Variants in MFSD6 observed in about 807,000 individuals in gnomAD.
MFSD6 encodes the protein major facilitator superfamily domain-containing protein 6.
A neutral mutation model predicts 56.3 loss-of-function variants in MFSD6; 26 were observed. That is an observed-to-expected ratio of 0.46 (90% CI 0.34 to 0.64). MFSD6 has a LOEUF of 0.64. Among genes scored for constraint, MFSD6 ranks in the 30% least tolerant of loss-of-function variants. The pLI is 0.01. For missense variants in MFSD6, 750 were observed against 986.2 expected (o/e 0.76, Z 3.21); for synonymous variants, 331 against 366.9 (o/e 0.90, Z 1.12).
Position 190,471,210 on chromosome 2 carries a change from G to A in MFSD6, c.1630+1355G>A, listed in dbSNP as rs575886862. On this transcript the variant is annotated intron_variant, in intron 4 of 7. Coordinates refer to ENST00000392328, the MANE Select transcript of MFSD6 (RefSeq NM_017694.4). This position sits in a 1 kb window ranked among gnomAD's most constrained non-coding sequence, Gnocchi z 4.7. Reference sequence around the variant, plus strand: ...TCTGCATTTCCAACTGAGGTACCGGGTTCATCTCACTGGGGATTGTCAGGC... The same window carrying A: ...TCTGCATTTCCAACTGAGGTACCGGATTCATCTCACTGGGGATTGTCAGGC... Among the ~76,000 whole-genome samples the A allele has an allele frequency of 2.4e-4, 36 of 152,140 alleles. No individual in the cohort carries two copies. Among genetic ancestry groups the A allele is most frequent in the African/African-American group, 8.2e-4 (34 of 41,416 alleles).
chr2:190,497,920 CT>C lies in MFSD6; in HGVS notation c.2172+203del. ...AGGTCCCATAGAGAGAATATTCTGCCTTATGGAGTTCAGGAAAACTTCAGAG... is the reference window on the plus strand; with the variant it reads ...AGGTCCCATAGAGAGAATATTCTGCCTATGGAGTTCAGGAAAACTTCAGAG... On this transcript the variant is annotated intron_variant, in intron 7 of 7. Coordinates refer to ENST00000392328, the MANE Select transcript of MFSD6 (RefSeq NM_017694.4). The surrounding 1 kb of genome is among the most constrained non-coding windows in gnomAD (Gnocchi z 5.2). The C allele has an allele frequency of 2.0e-6, 1 of 503,336 alleles. No homozygotes were observed. The highest frequency in any genetic ancestry group is 4.1e-5 in the South Asian group (1 of 24,170). 31.2% of individuals were successfully genotyped at this position (503,336 alleles called of 1,614,324 possible). A position where few individuals can be genotyped will look rare whatever the true frequency, so the allele number is the denominator to read the frequency against.
rs776372281 is a variant in MFSD6 at position 190,456,491 on chromosome 2, G to A, written c.1533-13267G>A. On this transcript the variant is annotated intron_variant, in intron 3 of 7. Coordinates refer to ENST00000392328, the MANE Select transcript of MFSD6 (RefSeq NM_017694.4). This position sits in a 1 kb window ranked among gnomAD's most constrained non-coding sequence, Gnocchi z 5.4. ...AAAAGATCGGGGCTCCTTTCAACCC[G>A]CTGGTGATATGAGCCCCACTCCGGG... 1.3e-5 allele frequency among the ~76,000 whole-genome samples: 2 copies of A among 152,000 alleles called. No individual in the cohort carries two copies. Among genetic ancestry groups the A allele is most frequent in the African/African-American group, 4.8e-5 (2 of 41,274 alleles).
Position 190,412,138 on chromosome 2 carries a change from T to C in MFSD6, c.-175-3154T>C, listed in dbSNP as rs1333853394. ...AGTCCCATAGTTCTATCCAATTCTA[T>C]GTAAAATTAACTAAAACCACTGCTT... On this transcript the variant is annotated intron_variant, in intron 1 of 7. Transcript: ENST00000392328. This position sits in a 1 kb window ranked among gnomAD's most constrained non-coding sequence, Gnocchi z 4.1. 1 of 983,678 alleles carries C rather than the reference T, an allele frequency of 1.0e-6. No individual in the cohort carries two copies. Among genetic ancestry groups the C allele is most frequent in the Admixed American group, 6.1e-5 (1 of 16,262 alleles). The allele number at this position is 983,678 out of a possible 1,614,324, so 60.9% of individuals were successfully genotyped here. A position where few individuals can be genotyped will look rare whatever the true frequency, so the allele number is the denominator to read the frequency against.
At chr2:190,422,815 A>T (rs776181579) in intron 2 of MFSD6, among the ~76,000 whole-genome samples, 1 of 151,204 alleles carries the variant, frequency 6.6e-6, no homozygotes, top group Non-Finnish European at 1.5e-5. Context: ...TCCTTCTTGG[A>T]GTTATTATTT....
In MFSD6 at chr2:190,488,835, C is replaced by T. The variant is rs374303663; in HGVS notation, c.1792+17C>T. 551 of 1,520,726 alleles carry T rather than the reference C, an allele frequency of 3.6e-4. No individual in the cohort carries two copies. The highest frequency in any genetic ancestry group is 8.8e-4 in the Middle Eastern group (5 of 5,684). 94.2% of individuals were successfully genotyped at this position (1,520,726 alleles called of 1,614,324 possible). A position where few individuals can be genotyped will look rare whatever the true frequency, so the allele number is the denominator to read the frequency against. ...ATTATTTTGGTAAGAATGGCTTTCT[C>T]CTTTTTTTTCTTTTCTATTATTAAA... is the stretch of plus-strand genomic sequence containing the variant. On this transcript the variant is annotated intron_variant, in intron 5 of 7. Transcript: ENST00000392328. The surrounding 1 kb of genome is among the most constrained non-coding windows in gnomAD (Gnocchi z 6.4).
chr2:190,411,100 A>C (rs1690542441), intron 1 of MFSD6: 2 of 983,546 alleles, frequency 2.0e-6, no homozygotes, highest in East Asian at 1.1e-4. Context: ...ATTTATATAC[A>C]TTTGTTTAAA....
At chr2:190,427,438 C>G (rs1020455263) in intron 2 of MFSD6, among the ~76,000 whole-genome samples, 1 of 152,198 alleles carries the variant, frequency 6.6e-6, no homozygotes, top group African/African-American at 2.4e-5. Context: ...AGTTCTGTGT[C>G]TTTCTAGACT....
At chr2:190,450,291 G>A (rs118174158) in intron 3 of MFSD6, among the ~76,000 whole-genome samples, 2 of 152,068 alleles carry the variant, frequency 1.3e-5, no homozygotes, top group East Asian at 3.9e-4. Flanking sequence ...CTGGAAGAGT[G>A]GATAAGAAAA....
At chr2:190,478,835 T>A (rs1559135346) in intron 4 of MFSD6, among the ~76,000 whole-genome samples, 1 of 149,476 alleles carries the variant, frequency 6.7e-6, no homozygotes, top group East Asian at 2.0e-4. Context: ...GGGTCTTCCT[T>A]AAAAAAAAAA....
rs1031551647 is a variant in MFSD6 at position 190,492,326 on chromosome 2, T to C, written c.1891+2460T>C. ...TGGGAAATTCATTGCAAAGAGATCA[T>C]TGCCTAGGCACATTGTCATCAGGCT... On this transcript the variant is annotated intron_variant, in intron 6 of 7. Coordinates refer to ENST00000392328, the MANE Select transcript of MFSD6 (RefSeq NM_017694.4). The surrounding 1 kb of genome is among the most constrained non-coding windows in gnomAD (Gnocchi z 5.2). Among the ~76,000 whole-genome samples the C allele has an allele frequency of 1.2e-4, 18 of 152,204 alleles. No homozygotes were observed. Among genetic ancestry groups the C allele is most frequent in the Non-Finnish European group, 2.5e-4 (17 of 68,036 alleles).
Position 190,416,323 on chromosome 2 carries a change from CCT to C in MFSD6, c.-54+911_-54+912del, listed in dbSNP as rs150492700. Among the ~76,000 whole-genome samples the C allele has an allele frequency of 1.6e-4, 24 of 152,148 alleles. No homozygotes were observed. The highest frequency in any genetic ancestry group is 5.8e-4 in the African/African-American group (24 of 41,500). ...TCAAAATAATTTGTTCCTTTTTCAC[CCT>C]GTTAGCAAGTTGAAAGGAAATGTTA... On this transcript the variant is annotated intron_variant, in intron 2 of 7. Transcript: ENST00000392328. This position sits in a 1 kb window ranked among gnomAD's most constrained non-coding sequence, Gnocchi z 4.1.
chr2:190,414,418 C>T (rs886377595), intron 1 of MFSD6, among the ~76,000 whole-genome samples: 2 of 152,134 alleles, frequency 1.3e-5, no homozygotes, highest in Non-Finnish European at 2.9e-5. Context: ...CAAATATGCC[C>T]CAATTCACAT....
At chr2:190,470,565 A>G (rs1687862210) in intron 4 of MFSD6, among the ~76,000 whole-genome samples, 1 of 152,252 alleles carries the variant, frequency 6.6e-6, no homozygotes, top group African/African-American at 2.4e-5. Context: ...GGTTCAGGAC[A>G]AGATCGCTGG....
At chr2:190,493,408 G>C (rs1237827190) in intron 6 of MFSD6, among the ~76,000 whole-genome samples, 1 of 152,114 alleles carries the variant, frequency 6.6e-6, no homozygotes, top group Non-Finnish European at 1.5e-5. Context: ...CCTAAGTAAT[G>C]AGATATACAG....
chr2:190,441,686 C>T (rs562095931), intron 3 of MFSD6, among the ~76,000 whole-genome samples: 2 of 152,168 alleles, frequency 1.3e-5, no homozygotes, highest in South Asian at 4.2e-4. Flanking sequence ...GCTTTCTCCA[C>T]GTGGGTACTC....
rs1453055545 is a variant in MFSD6 at position 190,491,819 on chromosome 2, T to C, written c.1891+1953T>C. Among the ~76,000 whole-genome samples the C allele has an allele frequency of 6.6e-6, 1 of 152,142 alleles. No individual in the cohort carries two copies. Among genetic ancestry groups the C allele is most frequent in the Non-Finnish European group, 1.5e-5 (1 of 68,018 alleles). ...TCCAAACCAAGAAGAAATCTCTGAC[T>C]TCCCTGAAAAAGAATTCAGAAGGTC... On this transcript the variant is annotated intron_variant, in intron 6 of 7. Coordinates refer to ENST00000392328, the MANE Select transcript of MFSD6 (RefSeq NM_017694.4). The surrounding 1 kb of genome is among the most constrained non-coding windows in gnomAD (Gnocchi z 4.2).
rs1273191544 is a variant in MFSD6 at position 190,434,190 on chromosome 2, A to AG, written c.-53-1787_-53-1786insG. On this transcript the variant is annotated intron_variant, in intron 2 of 7. Coordinates refer to ENST00000392328, the MANE Select transcript of MFSD6 (RefSeq NM_017694.4). The surrounding 1 kb of genome is among the most constrained non-coding windows in gnomAD (Gnocchi z 4.3). ...AGTAAGACCCTGTCTCTCAAAAAAA[A>AG]AAAAAGAAAAAAAAGAAAAGAAGGT... 3.3e-5 allele frequency among the ~76,000 whole-genome samples: 5 copies of AG among 151,446 alleles called. No individual in the cohort carries two copies. The highest frequency in any genetic ancestry group is 1.3e-4 in the Admixed American group (2 of 15,196).
Position 190,497,780 on chromosome 2 carries a change from C to T in MFSD6, c.2172+61C>T, listed in dbSNP as rs903316679. 11 of 1,512,124 alleles carry T rather than the reference C, an allele frequency of 7.3e-6. No individual in the cohort carries two copies. In the Admixed American group the frequency reaches 1.3e-4, roughly 18 times the overall value. 93.7% of individuals were successfully genotyped at this position (1,512,124 alleles called of 1,614,324 possible). ...TCACTCAAGATACCTTAACTGGGCT[C>T]AGTTTTAATTACTCACTTTTCATTC... On this transcript the variant is annotated intron_variant, in intron 7 of 7. Transcript: ENST00000392328. The surrounding 1 kb of genome is among the most constrained non-coding windows in gnomAD (Gnocchi z 5.2).
intron 1 of MFSD6, among the ~76,000 whole-genome samples, chr2:190,408,768 C>T (rs1690424368): frequency 6.6e-6 from 1 of 151,746 alleles, no homozygotes; most frequent in African/African-American, 2.4e-5. Context: ...AGGCTGCCGC[C>T]TGCGCCCCCA....
Sources: gnomAD v4.1 joint callset for allele counts (sites outside exome capture counted in the v4.1 genomes callset) on GRCh38, gnomAD v4.1.1 for gene constraint, Gnocchi (gnomAD v3.1) non-coding constraint, MANE v1.5 for transcripts, NCBI Gene and HGNC (gene_info 2026-07-23, HGNC 2026-07-21) for gene names.